GRIK2: variants seen among roughly 807,000 people sequenced by gnomAD.
GRIK2 encodes the protein glutamate receptor ionotropic, kainate 2.
GRIK2 carries 32 observed loss-of-function variants against 100.3 expected under a neutral mutation model. The observed-to-expected ratio is 0.32, with a 90% confidence interval of 0.24 to 0.43. The LOEUF (loss-of-function observed/expected upper bound fraction) is 0.43, where lower values mean the gene tolerates loss of function less well. GRIK2 is among the 20% of genes least tolerant of loss of function. The probability of loss-of-function intolerance (pLI) is 1.00; values close to 1 mark genes in which losing one functional copy is unlikely to be tolerated. For missense variants in GRIK2, 843 were observed against 1,114.9 expected (o/e 0.76, Z 3.47); for synonymous variants, 417 against 389.4 (o/e 1.07, Z -0.83).
chr6:101,465,720 A>G (rs1221265348), intron 2 of GRIK2, among the ~76,000 whole-genome samples: 1 of 152,190 alleles, frequency 6.6e-6, no homozygotes, highest in Non-Finnish European at 1.5e-5. Context: ...AAACCTTTGC[A>G]GTTGCAAAAA....
chr6:101,579,863 A>AG (rs907337509), intron 2 of GRIK2, among the ~76,000 whole-genome samples: 2 of 151,824 alleles, frequency 1.3e-5, no homozygotes, highest in Non-Finnish European at 2.9e-5. Flanking sequence ...AAAAAAAAAA[A>AG]AAAAAGAAAT....
chr6:101,956,435 G>A (rs910749809), intron 14 of GRIK2, among the ~76,000 whole-genome samples: 2 of 151,990 alleles, frequency 1.3e-5, no homozygotes, highest in African/African-American at 2.4e-5. Flanking sequence ...TTGTTTCATG[G>A]ATATATTGCG....
At chr6:101,692,918 G>T (rs1562314763) in intron 7 of GRIK2, among the ~76,000 whole-genome samples, 1 of 151,966 alleles carries the variant, frequency 6.6e-6, no homozygotes, top group Non-Finnish European at 1.5e-5. Context: ...TTGATTTAAT[G>T]AATGGTAAAA....
At chr6:101,828,045 A>G (rs769111009) in intron 10 of GRIK2, among the ~76,000 whole-genome samples, 5 of 151,972 alleles carry the variant, frequency 3.3e-5, no homozygotes, top group Non-Finnish European at 5.9e-5. Context: ...GCAAGTCTCA[A>G]TAAGTTTTAA....
At chr6:101,642,979 G>A (rs1288335280) in intron 4 of GRIK2, among the ~76,000 whole-genome samples, 1 of 151,676 alleles carries the variant, frequency 6.6e-6, no homozygotes, top group African/African-American at 2.4e-5. Flanking sequence ...CATGATTAAT[G>A]ATGTTAAACA....
intron 7 of GRIK2, among the ~76,000 whole-genome samples, chr6:101,798,313 G>A (rs916363133): frequency 1.3e-5 from 2 of 151,594 alleles, no homozygotes; most frequent in African/African-American, 4.8e-5. Flanking sequence ...ATATTAACTC[G>A]GGTCAGAGAC....
chr6:101,503,851 T>A (rs1218748083), intron 2 of GRIK2, among the ~76,000 whole-genome samples: 1 of 152,090 alleles, frequency 6.6e-6, no homozygotes, highest in Non-Finnish European at 1.5e-5. Flanking sequence ...CTAGGATAGA[T>A]TGTAGAAGCA....
intron 7 of GRIK2, among the ~76,000 whole-genome samples, chr6:101,707,452 CTT>C (rs1463019296): frequency 6.9e-6 from 1 of 144,726 alleles, no homozygotes; most frequent in Non-Finnish European, 1.5e-5. Context: ...TATCACAATT[CTT>C]TTATATATAT....
At chr6:101,657,930 C>T (rs1308470729) in intron 4 of GRIK2, among the ~76,000 whole-genome samples, 1 of 151,988 alleles carries the variant, frequency 6.6e-6, no homozygotes, top group Non-Finnish European at 1.5e-5. Context: ...TTCACTTATG[C>T]TGATAGAGGC....
At chr6:101,613,078 C>T (rs541866860) in intron 2 of GRIK2, among the ~76,000 whole-genome samples, 1 of 151,826 alleles carries the variant, frequency 6.6e-6, no homozygotes, top group Non-Finnish European at 1.5e-5. Context: ...AGAATAGGTG[C>T]AAGTATCCAT....
chr6:102,012,467 C>T (rs1332813888), intron 14 of GRIK2, among the ~76,000 whole-genome samples: 1 of 152,106 alleles, frequency 6.6e-6, no homozygotes, highest in African/African-American at 2.4e-5. Flanking sequence ...ATTGAGTCTT[C>T]CTATCCATGA....
intron 2 of GRIK2, among the ~76,000 whole-genome samples, chr6:101,410,688 A>C (rs1775848336): frequency 6.6e-6 from 1 of 152,142 alleles, no homozygotes; most frequent in South Asian, 2.1e-4. Flanking sequence ...CAAAATTAAA[A>C]AATTTTAAAC....
chr6:101,846,501 G>C (rs1783819107), intron 10 of GRIK2, among the ~76,000 whole-genome samples: 1 of 152,000 alleles, frequency 6.6e-6, no homozygotes, highest in Admixed American at 6.6e-5. Flanking sequence ...GTCTTTTCTG[G>C]TTTAGTATCA....
At chr6:101,842,991 AAT>A (rs1783606136) in intron 10 of GRIK2, among the ~76,000 whole-genome samples, 1 of 152,206 alleles carries the variant, frequency 6.6e-6, no homozygotes, top group Admixed American at 6.5e-5. Flanking sequence ...AATTAAAAGA[AAT>A]AGAATTCTAG....
intron 7 of GRIK2, among the ~76,000 whole-genome samples, chr6:101,786,055 G>C (rs566529762): frequency 1.3e-5 from 2 of 151,902 alleles, no homozygotes; most frequent in South Asian, 4.2e-4. Context: ...TTATTCCTAA[G>C]GTTTTTTACT....
chr6:101,646,492 T>G (rs552322715), intron 4 of GRIK2, among the ~76,000 whole-genome samples: 1 of 152,042 alleles, frequency 6.6e-6, no homozygotes, highest in African/African-American at 2.4e-5. Flanking sequence ...CTATGGTAAT[T>G]ATATCATAAT....
intron 2 of GRIK2, among the ~76,000 whole-genome samples, chr6:101,414,097 A>G (rs918124656): frequency 6.6e-6 from 1 of 152,236 alleles, no homozygotes; most frequent in African/African-American, 2.4e-5. Flanking sequence ...CCACATAAAT[A>G]CAAAACAGTG....
In GRIK2 at chr6:101,542,087, T is replaced by G. The variant is rs113909076; in HGVS notation, c.116-79862T>G. 6.6e-5 allele frequency among the ~76,000 whole-genome samples: 10 copies of G among 152,202 alleles called. 1 individual carries two copies. Among genetic ancestry groups the G allele is most frequent in the African/African-American group, 2.4e-4 (10 of 41,558 alleles). ...TAAAATACTGCCAAAAAGTCTTGGA[T>G]TCTAAGGTGTTTTTACTGTTTCCCG... On this transcript the variant is annotated intron_variant, in intron 2 of 16. Transcript: ENST00000369134.
intron 2 of GRIK2, among the ~76,000 whole-genome samples, chr6:101,447,353 C>A (rs1770436000): frequency 6.6e-6 from 1 of 151,520 alleles, no homozygotes; most frequent in Non-Finnish European, 1.5e-5. Flanking sequence ...GAATCTGACC[C>A]AGTAATTCTA....
Sources: gnomAD v4.1 joint callset for allele counts (sites outside exome capture counted in the v4.1 genomes callset) on GRCh38, gnomAD v4.1.1 for gene constraint, MANE v1.5 for transcripts, NCBI Gene and HGNC (gene_info 2026-07-23, HGNC 2026-07-21) for gene names.